ACVR2B: variants seen among roughly 807,000 people sequenced by gnomAD.
The protein encoded by ACVR2B is activin A receptor type 2B, also known as activin receptor type-2B.
In ACVR2B, 18 loss-of-function variants were observed where a neutral mutation model predicts 65.1. That is an observed-to-expected ratio of 0.28 (90% confidence interval 0.19 to 0.41). The LOEUF is 0.41. Ranked by LOEUF, ACVR2B falls within the 10% of genes least tolerant of loss-of-function variation. The pLI is 1.00. For missense variants in ACVR2B, 482 were observed against 682.7 expected (o/e 0.71, Z 3.28); for synonymous variants, 298 against 277.7 (o/e 1.07, Z -0.73).
chr3:38,470,467 A>T (rs1238159331), intron 1 of ACVR2B, among the ~76,000 whole-genome samples: 2 of 152,240 alleles, frequency 1.3e-5, no homozygotes, highest in East Asian at 3.8e-4. Context: ...CTAAATTGCC[A>T]TTCAGGAAGA....
In ACVR2B at chr3:38,473,549, C is replaced by T. The variant is rs563248750; in HGVS notation, c.53-3738C>T. The T allele has an allele frequency of 2.3e-3, 346 of 152,490 alleles. 2 individuals carry two copies. The South Asian group carries it at 0.023, about 10-fold the overall frequency. The allele number at this position is 152,490 out of a possible 1,614,324, so 9.4% of individuals were successfully genotyped here. Reference sequence around the variant, plus strand: ...GGGAAGAGAGAGGAATGGGGGAGGCCCCTGGGTCTCCAGGTGGCAGCAGAG... The same window carrying T: ...GGGAAGAGAGAGGAATGGGGGAGGCTCCTGGGTCTCCAGGTGGCAGCAGAG... On this transcript the variant is annotated intron_variant, in intron 1 of 10. Coordinates refer to ENST00000352511, the MANE Select transcript of ACVR2B (RefSeq NM_001106.4).
At position 38,478,204 on chromosome 3, in the gene ACVR2B, C is replaced by T; in HGVS notation, c.434C>T (p.Pro145Leu). Residue 145 changes from proline to leucine, a missense_variant, in exon 4 of 11, where the codon CCC becomes CTC. Coordinates refer to ENST00000352511, the MANE Select transcript of ACVR2B (RefSeq NM_001106.4). ...ACGGTGCTGGCCTACTCACTGCTGC[C>T]CATCGGGGGCCTTTCCCTCATCGTC... ...LLTVLAYSLL[P>L]IGGLSLIVLL... The T allele has an allele frequency of 6.2e-7, 1 of 1,613,996 alleles. No homozygotes were observed. Among genetic ancestry groups the T allele is most frequent in the Non-Finnish European group, 8.5e-7 (1 of 1,180,012 alleles).
chr3:38,474,057 T>C (rs1188193945), intron 1 of ACVR2B: 1 of 152,294 alleles, frequency 6.6e-6, no homozygotes, highest in Non-Finnish European at 1.5e-5. Flanking sequence ...CATTTTTGTA[T>C]TTTTAGTAGA....
intron 8 of ACVR2B, among the ~76,000 whole-genome samples, 181 bp from the exon 9 acceptor site, chr3:38,482,017 G>A (rs1279730048): frequency 6.6e-6 from 1 of 152,044 alleles, no homozygotes; most frequent in Non-Finnish European, 1.5e-5. Flanking sequence ...AAGTATAATT[G>A]ATGCTGTGAC....
intron 1 of ACVR2B, among the ~76,000 whole-genome samples, chr3:38,465,397 CAAAAAAAAA>C (rs71085325): frequency 2.2e-5 from 2 of 90,282 alleles, no homozygotes; most frequent in African/African-American, 4.5e-5. Flanking sequence ...GATTCCATCT[CAAAAAAAAA>C]AAAAAAAAAA....
At chr3:38,469,092 C>T (rs1026724335) in intron 1 of ACVR2B, among the ~76,000 whole-genome samples, 1 of 152,188 alleles carries the variant, frequency 6.6e-6, no homozygotes, top group Non-Finnish European at 1.5e-5. Flanking sequence ...CTCCTCCTGT[C>T]ACCTTGGAAG....
At chr3:38,465,397 CAAAAAA>C (rs71085325) in intron 1 of ACVR2B, among the ~76,000 whole-genome samples, 5 of 90,322 alleles carry the variant, frequency 5.5e-5, no homozygotes, top group African/African-American at 1.8e-4. Flanking sequence ...GATTCCATCT[CAAAAAA>C]AAAAAAAAAA....
intron 5 of ACVR2B, 75 bp from the exon 6 acceptor site, chr3:38,479,053 C>G (rs776031478): frequency 9.4e-6 from 15 of 1,592,294 alleles, no homozygotes; most frequent in Non-Finnish European, 1.3e-5. Context: ...AATGGTTGTT[C>G]TGCTGTAGGG....
At chr3:38,467,310 G>T (rs2125716194) in intron 1 of ACVR2B, among the ~76,000 whole-genome samples, 1 of 152,288 alleles carries the variant, frequency 6.6e-6, no homozygotes, top group South Asian at 2.1e-4. Context: ...AGCTAGGCAT[G>T]GTGGCGCATG....
chr3:38,482,533 C>T lies in ACVR2B; in HGVS notation c.1317C>T (p.Thr439=), dbSNP rs1710036579. The change falls in exon 10 of 11, where the codon ACC becomes ACT. Residue 439 remains threonine, a synonymous_variant. Transcript: ENST00000352511. ...EVVVHKKMRP[T]IKDHWLKHPG... is the part of the protein sequence containing the mutation. ...TGGTGCACAAGAAGATGAGGCCCACCATTAAAGATCACTGGTTGAAACACC... is the reference window on the plus strand; with the variant it reads ...TGGTGCACAAGAAGATGAGGCCCACTATTAAAGATCACTGGTTGAAACACC... 3 of 1,611,350 alleles carry T rather than the reference C, an allele frequency of 1.9e-6. No individual in the cohort carries two copies. The highest frequency in any genetic ancestry group is 1.7e-6 in the Non-Finnish European group (2 of 1,179,676).
In ACVR2B at chr3:38,477,547, C is replaced by A; in HGVS notation, c.260+53C>A. 1.3e-6 allele frequency: 2 copies of A among 1,575,914 alleles called. No individual in the cohort carries two copies. Among genetic ancestry groups the A allele is most frequent in the Admixed American group, 1.8e-5 (1 of 56,082 alleles). On this transcript the variant is annotated intron_variant, in intron 2 of 10. Coordinates refer to ENST00000352511, the MANE Select transcript of ACVR2B (RefSeq NM_001106.4). This position sits in a 1 kb window ranked among gnomAD's most constrained non-coding sequence, Gnocchi z 6.7. ...CTTGGACCCACCTGCGCTTATACTG[C>A]CCACTGGGCCATTTGGGTCTCAGGA...
intron 1 of ACVR2B, among the ~76,000 whole-genome samples, chr3:38,467,504 C>T (rs774904772): frequency 5.3e-5 from 8 of 151,440 alleles, no homozygotes; most frequent in African/African-American, 1.9e-4. Flanking sequence ...GTAATCCCAG[C>T]ACTTTGGTGG....
chr3:38,474,846 G>A (rs1487618924), intron 1 of ACVR2B: 1 of 152,300 alleles, frequency 6.6e-6, no homozygotes, highest in East Asian at 1.9e-4. Flanking sequence ...TCAGAGGAAG[G>A]TGGGTAACCT....
rs747502178 is a variant in ACVR2B at position 38,478,181 on chromosome 3, G to A, written c.411G>A (p.Thr137=). The change falls in exon 4 of 11, where the codon ACG becomes ACA. Residue 137 remains threonine, a synonymous_variant. Coordinates refer to ENST00000352511, the MANE Select transcript of ACVR2B (RefSeq NM_001106.4). ...EPPPTAPTLL[T]VLAYSLLPIG... ...CCCCGACAGCCCCCACCCTGCTCAC[G>A]GTGCTGGCCTACTCACTGCTGCCCA... 8 of 1,613,302 alleles carry A rather than the reference G, an allele frequency of 5.0e-6. No homozygotes were observed. The highest frequency in any genetic ancestry group is 1.8e-4 in the Middle Eastern group (1 of 5,598).
At position 38,481,237 on chromosome 3, in the gene ACVR2B, T is replaced by G. The variant is rs1012441045; in HGVS notation, c.960-114T>G. The stretch of plus-strand genomic sequence containing the variant: ...CTTCACCTCTGCACCCCAGGTAGGG[T>G]GGGATGGCCTGGTCTGGGGCCTGAC... On this transcript the variant is annotated intron_variant, in intron 7 of 10. Transcript: ENST00000352511. This position sits in a 1 kb window ranked among gnomAD's most constrained non-coding sequence, Gnocchi z 4.7. 2.3e-5 allele frequency: 20 copies of G among 871,644 alleles called. No homozygotes were observed. Among genetic ancestry groups the G allele is most frequent in the African/African-American group, 8.2e-5 (5 of 60,784 alleles). The allele number at this position is 871,644 out of a possible 1,614,324, so 54.0% of individuals were successfully genotyped here.
intron 10 of ACVR2B, 149 bp downstream of exon 10, chr3:38,482,709 G>A: frequency 2.5e-6 from 3 of 1,194,622 alleles, no homozygotes; most frequent in Non-Finnish European, 3.5e-6. Flanking sequence ...AGGGGTTATG[G>A]GGAGTGAGGT....
At position 38,483,532 on chromosome 3, in the gene ACVR2B, C is replaced by A; in HGVS notation, c.*200C>A. The A allele has an allele frequency of 4.6e-6, 1 of 215,196 alleles. No individual in the cohort carries two copies. Among genetic ancestry groups the A allele is most frequent in the Non-Finnish European group, 8.4e-6 (1 of 118,808 alleles). 13.3% of individuals were successfully genotyped at this position (215,196 alleles called of 1,614,324 possible). ...ATTTTTTGGATTGGATCAGTTTTTACCAGCATATTGCTCTACTGTATCACA... is the reference window on the plus strand; with the variant it reads ...ATTTTTTGGATTGGATCAGTTTTTAACAGCATATTGCTCTACTGTATCACA... On this transcript the variant is annotated 3_prime_UTR_variant, in exon 11 of 11. Transcript: ENST00000352511. This position sits in a 1 kb window ranked among gnomAD's most constrained non-coding sequence, Gnocchi z 4.8.
chr3:38,471,136 G>A (rs1170731674), intron 1 of ACVR2B, among the ~76,000 whole-genome samples: 2 of 152,090 alleles, frequency 1.3e-5, no homozygotes, highest in African/African-American at 4.8e-5. Flanking sequence ...TTTTGGCAAA[G>A]AGCATTCATT....
At chr3:38,468,204 G>T (rs151263386) in intron 1 of ACVR2B, among the ~76,000 whole-genome samples, 2 of 152,308 alleles carry the variant, frequency 1.3e-5, no homozygotes, top group East Asian at 3.9e-4. Flanking sequence ...TAATAAATAA[G>T]TAAGGATGGA....
Sources: allele counts gnomAD v4.1 joint callset (sites outside exome capture counted in the v4.1 genomes callset), GRCh38; gene constraint gnomAD v4.1.1; non-coding constraint Gnocchi (gnomAD v3.1); transcripts MANE v1.5; gene names NCBI Gene and HGNC (gene_info 2026-07-23, HGNC 2026-07-21).